The following ATP8A2 variants were observed in gnomAD, a reference collection of about 807,000 sequenced individuals.
ATP8A2 encodes phospholipid-transporting ATPase IB.
In ATP8A2, 100 loss-of-function variants were observed where a neutral mutation model predicts 165.6. That is an observed-to-expected ratio of 0.60 (90% CI 0.51 to 0.71). ATP8A2 has a LOEUF of 0.71. ATP8A2 is among the 30% of genes least tolerant of loss of function. The pLI is 0.00. For missense variants in ATP8A2, 1,227 were observed against 1,479.5 expected, an observed-to-expected ratio of 0.83 and a Z score of 2.80; for synonymous variants, 543 against 548.8, an observed-to-expected ratio of 0.99 and a Z score of 0.15.
chr13:25,775,771 C>T (rs2044727682), intron 27 of ATP8A2, among the ~76,000 whole-genome samples: 1 of 152,120 alleles, frequency 6.6e-6, no homozygotes, highest in African/African-American at 2.4e-5. Flanking sequence ...ATGCTTCATT[C>T]TACTATGGGT....
intron 33 of ATP8A2, among the ~76,000 whole-genome samples, chr13:25,870,137 T>C (rs1469048571): frequency 5.3e-5 from 8 of 152,184 alleles, no homozygotes; most frequent in Non-Finnish European, 1.2e-4. Context: ...GGCCAAACTC[T>C]GTGTCATTCT....
chr13:25,691,315 A>G (rs1205816935), intron 24 of ATP8A2, among the ~76,000 whole-genome samples: 2 of 152,200 alleles, frequency 1.3e-5, no homozygotes, highest in Non-Finnish European at 2.9e-5. Context: ...GCTGAATCCT[A>G]CGCTTAAAAT....
intron 24 of ATP8A2, among the ~76,000 whole-genome samples, chr13:25,666,173 A>G (rs972823318): frequency 6.6e-6 from 1 of 151,884 alleles, no homozygotes; most frequent in African/African-American, 2.4e-5. Context: ...AATCTTAAGA[A>G]TATTAGTTTT....
chr13:25,862,702 A>C (rs929332144), intron 33 of ATP8A2, among the ~76,000 whole-genome samples: 2 of 152,204 alleles, frequency 1.3e-5, no homozygotes, highest in Admixed American at 1.3e-4. Flanking sequence ...TGTTAATTAC[A>C]CACAGTACCA....
chr13:25,512,728 G>C (rs1282501718), intron 2 of ATP8A2, among the ~76,000 whole-genome samples: 2 of 142,852 alleles, frequency 1.4e-5, no homozygotes, highest in African/African-American at 5.2e-5. Flanking sequence ...CTGGCCGGGC[G>C]GGGGGCTGAC....
At chr13:25,927,008 C>A (rs1593573191) in intron 33 of ATP8A2, 2 of 395,968 alleles carry the variant, frequency 5.1e-6, no homozygotes, top group East Asian at 1.5e-4. Flanking sequence ...TCCTGCTGTG[C>A]CTCCCGCTCC....
At chr13:25,712,153 C>A (rs894928801) in intron 25 of ATP8A2, among the ~76,000 whole-genome samples, 3 of 152,174 alleles carry the variant, frequency 2.0e-5, no homozygotes, top group Admixed American at 6.5e-5. Flanking sequence ...GTCAAGGATA[C>A]AGTCTCACTC....
At position 25,576,424 on chromosome 13, in the gene ATP8A2, G is replaced by A. The variant is rs187226982; in HGVS notation, c.1713-645G>A. Among the ~76,000 whole-genome samples the A allele has an allele frequency of 1.6e-3, 244 of 152,218 alleles. 1 individual carries two copies. Among genetic ancestry groups the A allele is most frequent in the African/African-American group, 4.9e-3 (203 of 41,530 alleles). On this transcript the variant is annotated intron_variant, in intron 19 of 36. Coordinates refer to ENST00000381655, the MANE Select transcript of ATP8A2 (RefSeq NM_016529.6). ...GAAGCCTGGTGGTGGTTCATGGGAG[G>A]GTTGGTGGGAGATGAGGTGAGGCTG... is the stretch of plus-strand genomic sequence containing the variant.
intron 27 of ATP8A2, among the ~76,000 whole-genome samples, chr13:25,784,138 A>G (rs541147703): frequency 3.1e-4 from 47 of 152,166 alleles, no homozygotes; most frequent in Admixed American, 2.7e-3. Context: ...TAAAAGGATC[A>G]TTATAAAGAT....
At chr13:25,502,450 G>A (rs2036884111) in intron 2 of ATP8A2, among the ~76,000 whole-genome samples, 1 of 152,186 alleles carries the variant, frequency 6.6e-6, no homozygotes, top group Non-Finnish European at 1.5e-5. Flanking sequence ...GTTTTTCTGT[G>A]GAGGGTGTCC....
chr13:25,465,392 A>G (rs1437192689), intron 1 of ATP8A2, among the ~76,000 whole-genome samples: 8 of 152,122 alleles, frequency 5.3e-5, no homozygotes, highest in Admixed American at 3.9e-4. Context: ...TGGTATAGAA[A>G]GCTGTGTTGA....
chr13:25,587,146 G>A (rs1351500856), intron 23 of ATP8A2, among the ~76,000 whole-genome samples: 1 of 152,146 alleles, frequency 6.6e-6, no homozygotes. Flanking sequence ...TCCAAGAGTT[G>A]ATCTCATTTT....
chr13:25,737,019 C>T (rs930455658), intron 25 of ATP8A2, among the ~76,000 whole-genome samples: 24 of 152,098 alleles, frequency 1.6e-4, no homozygotes, highest in African/African-American at 4.8e-4. Flanking sequence ...GATGATAACC[C>T]ACAGTGCTTG....
intron 33 of ATP8A2, among the ~76,000 whole-genome samples, chr13:25,941,939 A>G (rs1955082699): frequency 6.6e-6 from 1 of 152,210 alleles, no homozygotes; most frequent in Non-Finnish European, 1.5e-5. Flanking sequence ...TGAGATAGAA[A>G]TGCTCTCGTT....
intron 25 of ATP8A2, among the ~76,000 whole-genome samples, chr13:25,743,674 AC>A (rs1301649611): frequency 6.6e-6 from 1 of 152,184 alleles, no homozygotes. Context: ...GGAATTTTAG[AC>A]AAATGTGTCC....
At chr13:25,847,894 G>A (rs1951906749) in intron 30 of ATP8A2, among the ~76,000 whole-genome samples, 1 of 152,106 alleles carries the variant, frequency 6.6e-6, no homozygotes, top group African/African-American at 2.4e-5. Flanking sequence ...CTCACCCACT[G>A]AGCAGGTGTT....
chr13:25,771,612 G>A (rs1382300046), intron 26 of ATP8A2, among the ~76,000 whole-genome samples: 1 of 152,192 alleles, frequency 6.6e-6, no homozygotes, highest in African/African-American at 2.4e-5. Context: ...GTGGAGCAGG[G>A]AGCGAGGCTT....
At chr13:25,802,024 C>T (rs9507579) in intron 27 of ATP8A2, among the ~76,000 whole-genome samples, 18,274 of 152,142 alleles carry the variant, frequency 0.12, 1,426 homozygotes, top group Non-Finnish European at 0.18. Context: ...GGGTCCCTCC[C>T]ATGACACGTG....
intron 1 of ATP8A2, among the ~76,000 whole-genome samples, chr13:25,445,912 A>G (rs1041523565): frequency 1.3e-5 from 2 of 152,284 alleles, no homozygotes; most frequent in Admixed American, 1.3e-4. Flanking sequence ...CCTCCTTCCC[A>G]GCGCTACTAC....
Sources: gnomAD v4.1 joint callset for allele counts (sites outside exome capture counted in the v4.1 genomes callset) on GRCh38, gnomAD v4.1.1 for gene constraint, MANE v1.5 for transcripts, NCBI Gene and HGNC (gene_info 2026-07-23, HGNC 2026-07-21) for gene names.